The following SMUG1 variants were observed in gnomAD, a reference collection of about 807,000 sequenced individuals.
The protein encoded by SMUG1 is single-strand selective monofunctional uracil DNA glycosylase.
A neutral mutation model predicts 23.9 loss-of-function variants in SMUG1; 13 were observed. The ratio of observed to expected loss-of-function variants is 0.54; its 90% CI spans 0.35 to 0.86. The LOEUF (loss-of-function observed/expected upper bound fraction) is 0.86. SMUG1 is among the 40% of genes least tolerant of loss of function. SMUG1 has a pLI of 0.01. For synonymous variants in SMUG1, 133 were observed against 139.8 expected (o/e 0.95, Z 0.34); for missense variants, 313 against 339.5 (o/e 0.92, Z 0.61).
At chr12:54,176,637 T>A (rs1191241000), downstream of SMUG1, among the ~76,000 whole-genome samples, 7 of 150,700 alleles carry the variant, frequency 4.6e-5, no homozygotes, top group East Asian at 1.4e-3. Context: ...AAACCCCGTC[T>A]CTACTAAAAA....
chr12:54,178,033 C>A (rs1189507608), downstream of SMUG1, among the ~76,000 whole-genome samples: 1 of 152,088 alleles, frequency 6.6e-6, no homozygotes, highest in Non-Finnish European at 1.5e-5. Context: ...CAACTGGTAT[C>A]CTTCCAAGAA....
chr12:54,161,397 G>A (rs553066554), downstream of SMUG1, among the ~76,000 whole-genome samples: 2 of 152,328 alleles, frequency 1.3e-5, no homozygotes, highest in Admixed American at 6.5e-5. This position sits in a 1 kb window ranked among gnomAD's most constrained non-coding sequence, Gnocchi z 4.2. Flanking sequence ...GCCCCAGCCT[G>A]TACCTCTCAG....
At chr12:54,173,740 T>C (rs978834215) in intron 2 of SMUG1, among the ~76,000 whole-genome samples, 8 of 134,986 alleles carry the variant, frequency 5.9e-5, no homozygotes, top group Non-Finnish European at 1.2e-4. Context: ...AAGTCACAGA[T>C]TGCAGCACGC....
downstream of SMUG1, among the ~76,000 whole-genome samples, chr12:54,179,682 G>C (rs1384050005): frequency 1.3e-5 from 2 of 151,908 alleles, no homozygotes; most frequent in African/African-American, 4.8e-5. Flanking sequence ...TGTCAGTTGC[G>C]AGCTTGAGGA....
intron 3 of SMUG1, among the ~76,000 whole-genome samples, chr12:54,171,509 G>A (rs1326917871): frequency 1.3e-5 from 2 of 151,310 alleles, no homozygotes; most frequent in Non-Finnish European, 2.9e-5. Context: ...GGCCAACATG[G>A]TGAAACCCCG....
At chr12:54,184,151 C>T in intron 2 of SMUG1, 192 bp from the exon 3 acceptor site, 1 of 466,536 alleles carries the variant, frequency 2.1e-6, no homozygotes, top group South Asian at 4.8e-5. Flanking sequence ...CTTTCCCTCC[C>T]CACTTCCATT....
At chr12:54,174,899 GAA>G (rs1355815689) in intron 2 of SMUG1, 3 of 152,252 alleles carry the variant, frequency 2.0e-5, no homozygotes, top group African/African-American at 4.8e-5. Context: ...GAGAAAAAAA[GAA>G]AGTTTCCTCA....
chr12:54,188,257 T>A (rs967603881), intron 1 of SMUG1, among the ~76,000 whole-genome samples: 1 of 144,018 alleles, frequency 6.9e-6, no homozygotes, highest in African/African-American at 2.6e-5. Flanking sequence ...ATAATAAATA[T>A]CCTTAAACGA....
At chr12:54,183,252 G>C (rs1250680073) in intron 3 of SMUG1, 1 of 322,858 alleles carries the variant, frequency 3.1e-6, no homozygotes, top group Non-Finnish European at 5.6e-6. Context: ...ACAGAACCCA[G>C]GTTCCCAGAA....
chr12:54,180,477 T>C lies in SMUG1; in HGVS notation c.*1619A>G, dbSNP rs913030780. ...GACCTGTGTCCCAGGAGATAGGAAG[T>C]AGACCATGTGTTCCTCATTAAGGTG... On this transcript the variant is annotated 3_prime_UTR_variant, in exon 4 of 4. Transcript: ENST00000682136. 1 of 152,328 alleles carries C rather than the reference T, an allele frequency of 6.6e-6. No homozygotes were observed. Among genetic ancestry groups the C allele is most frequent in the South Asian group, 2.1e-4 (1 of 4,832 alleles). The allele number at this position is 152,328 out of a possible 1,614,324, so 9.4% of individuals were successfully genotyped here. A position where few individuals can be genotyped will look rare whatever the true frequency, so the allele number is the denominator to read the frequency against.
chr12:54,186,479 T>A (rs1409178644), intron 2 of SMUG1, among the ~76,000 whole-genome samples: 1 of 152,068 alleles, frequency 6.6e-6, no homozygotes, highest in Non-Finnish European at 1.5e-5. Flanking sequence ...GGTACTGGGA[T>A]TACAGGTGCG....
downstream of SMUG1, chr12:54,162,454 G>A (rs998489790): frequency 1.3e-5 from 2 of 152,094 alleles, no homozygotes; most frequent in Non-Finnish European, 2.9e-5. Context: ...CTTAATTCCT[G>A]CTTCAGTCTG....
Position 54,188,958 on chromosome 12 carries a change from A to C in SMUG1, c.-111T>G, listed in dbSNP as rs1943185677. The stretch of plus-strand genomic sequence containing the variant: ...AGCCCCCTACTTCCTCACCTGGTCC[A>C]GCTCCCCATCCCGTTTCCGGTTCCT... On this transcript the variant is annotated 5_prime_UTR_variant, in exon 1 of 4. Coordinates refer to ENST00000682136, the MANE Select transcript of SMUG1 (RefSeq NM_001243787.2). 1 of 151,772 alleles carries C rather than the reference A, an allele frequency of 6.6e-6. No individual in the cohort carries two copies. The highest frequency in any genetic ancestry group is 2.4e-5 in the African/African-American group (1 of 41,184). The allele number at this position is 151,772 out of a possible 1,614,324, so 9.4% of individuals were successfully genotyped here.
At chr12:54,176,821 TAAAA>T (rs201445348), downstream of SMUG1, among the ~76,000 whole-genome samples, 311 of 133,638 alleles carry the variant, frequency 2.3e-3, 1 homozygote, top group Middle Eastern at 3.8e-3. Flanking sequence ...AAATAAAAAC[TAAAA>T]AAAAAAAAAA....
downstream of SMUG1, among the ~76,000 whole-genome samples, chr12:54,176,877 T>C (rs1195611209): frequency 6.7e-6 from 1 of 149,940 alleles, no homozygotes; most frequent in African/African-American, 2.4e-5. Flanking sequence ...CAACACAATC[T>C]ATCCCTCAGA....
chr12:54,162,478 A>T (rs2136528892), downstream of SMUG1: 1 of 152,120 alleles, frequency 6.6e-6, no homozygotes, highest in East Asian at 1.9e-4. Context: ...CTCTCTCAGG[A>T]GGACAGAACC....
intron 2 of SMUG1, among the ~76,000 whole-genome samples, chr12:54,185,035 G>A (rs1258026410): frequency 6.6e-6 from 1 of 151,994 alleles, no homozygotes; most frequent in Non-Finnish European, 1.5e-5. Flanking sequence ...CATGCTGGGC[G>A]TGGTGGCTCA....
At chr12:54,170,023 A>AC (rs1245681086) in intron 3 of SMUG1, among the ~76,000 whole-genome samples, 6 of 151,984 alleles carry the variant, frequency 3.9e-5, no homozygotes, top group Non-Finnish European at 7.4e-5. Flanking sequence ...ACATGGAGAA[A>AC]CCCCGTCTCT....
chr12:54,165,152 C>T (rs1164994438), intron 4 of SMUG1: 4 of 152,128 alleles, frequency 2.6e-5, no homozygotes, highest in Non-Finnish European at 5.9e-5. Flanking sequence ...ATCATGCTGC[C>T]TCAATAAACT....
Sources: gnomAD v4.1 joint callset for allele counts (sites outside exome capture counted in the v4.1 genomes callset) on GRCh38, gnomAD v4.1.1 for gene constraint, Gnocchi (gnomAD v3.1) non-coding constraint, MANE v1.5 for transcripts, NCBI Gene and HGNC (gene_info 2026-07-23, HGNC 2026-07-21) for gene names.